The following MAP4K3 variants were observed in gnomAD, a reference collection of about 807,000 sequenced individuals.
MAP4K3 encodes mitogen-activated protein kinase kinase kinase kinase 3.
A neutral mutation model predicts 143.5 loss-of-function variants in MAP4K3; 94 were observed. The observed-to-expected ratio is 0.65, with a 90% CI of 0.55 to 0.78. MAP4K3 has a LOEUF of 0.78. Among genes scored for constraint, MAP4K3 ranks in the 30% least tolerant of loss-of-function variants. The pLI, the probability that MAP4K3 is intolerant of heterozygous loss-of-function variation, is 0.00. For synonymous variants in MAP4K3, 416 were observed against 347.2 expected (o/e 1.20, Z -2.20); for missense variants, 1,077 against 1,068.1 (o/e 1.01, Z -0.12).
chr2:39,401,377 G>A (rs1003270938), intron 1 of MAP4K3, among the ~76,000 whole-genome samples: 3 of 152,070 alleles, frequency 2.0e-5, no homozygotes, highest in Non-Finnish European at 2.9e-5. Context: ...TGCTCTCATC[G>A]GCCAGACTGG....
chr2:39,406,214 AC>A (rs1472231370), intron 1 of MAP4K3, among the ~76,000 whole-genome samples: 1 of 152,178 alleles, frequency 6.6e-6, no homozygotes, highest in Non-Finnish European at 1.5e-5. Context: ...AATTAAAAAA[AC>A]AAGCACATCT....
At chr2:39,327,412 G>A (rs1356348352) in intron 8 of MAP4K3, among the ~76,000 whole-genome samples, 4 of 152,068 alleles carry the variant, frequency 2.6e-5, no homozygotes, top group Non-Finnish European at 4.4e-5. Flanking sequence ...CTTTGCTACA[G>A]TCTTATTCTA....
intron 31 of MAP4K3, among the ~76,000 whole-genome samples, chr2:39,255,628 G>C (rs550285930): frequency 6.6e-6 from 1 of 152,082 alleles, no homozygotes; most frequent in Non-Finnish European, 1.5e-5. Flanking sequence ...GGTAGAAAAC[G>C]ATTTGTCAAC....
At position 39,293,280 on chromosome 2, in the gene MAP4K3, AAAC is replaced by A; in HGVS notation, c.1179-15_1179-13del. The A allele has an allele frequency of 6.9e-7, 1 of 1,452,204 alleles. No individual in the cohort carries two copies. Among genetic ancestry groups the A allele is most frequent in the South Asian group, 1.3e-5 (1 of 78,364 alleles). The allele number at this position is 1,452,204 out of a possible 1,614,324, so 90.0% of individuals were successfully genotyped here. On this transcript the variant is annotated splice_polypyrimidine_tract_variant and intron_variant, in intron 16 of 33. Coordinates refer to ENST00000263881, the MANE Select transcript of MAP4K3 (RefSeq NM_003618.4). ...ACTTGAGAAGACTCCTTAAAAGAAA[AAAC>A]AAAAACAAAAAATAATGTGAATAAA...
chr2:39,420,781 C>T (rs770642206), intron 1 of MAP4K3, among the ~76,000 whole-genome samples: 6 of 152,134 alleles, frequency 3.9e-5, no homozygotes, highest in Admixed American at 2.0e-4. Context: ...AAAACTCAAG[C>T]AAAAGATGTC....
At chr2:39,359,962 G>C (rs547018694) in intron 2 of MAP4K3, among the ~76,000 whole-genome samples, 13 of 152,356 alleles carry the variant, frequency 8.5e-5, no homozygotes, top group African/African-American at 3.1e-4. Context: ...AAATGCCCTG[G>C]AGACATGTTC....
chr2:39,307,607 T>C (rs947974625), intron 15 of MAP4K3, among the ~76,000 whole-genome samples: 14 of 151,974 alleles, frequency 9.2e-5, no homozygotes, highest in African/African-American at 3.4e-4. Context: ...GGGTGGTTTC[T>C]AGTTCATTAA....
chr2:39,329,019 A>G (rs1683597667), intron 8 of MAP4K3, among the ~76,000 whole-genome samples: 1 of 152,232 alleles, frequency 6.6e-6, no homozygotes, highest in Non-Finnish European at 1.5e-5. Flanking sequence ...GGTAGGAAAG[A>G]TATAATACCA....
chr2:39,338,977 A>T (rs1665061945), intron 4 of MAP4K3, among the ~76,000 whole-genome samples: 1 of 152,240 alleles, frequency 6.6e-6, no homozygotes, highest in Middle Eastern at 3.2e-3. Flanking sequence ...TTGTTATAGC[A>T]GCACAAACAG....
chr2:39,285,345 T>C (rs931066825), intron 21 of MAP4K3, among the ~76,000 whole-genome samples: 1 of 152,154 alleles, frequency 6.6e-6, no homozygotes, highest in African/African-American at 2.4e-5. Context: ...TAAAAATGCA[T>C]ACATAAAAAA....
chr2:39,255,882 T>C (rs1012467691), intron 31 of MAP4K3, among the ~76,000 whole-genome samples: 18 of 152,286 alleles, frequency 1.2e-4, no homozygotes, highest in African/African-American at 4.3e-4. Context: ...CATGTTGGGA[T>C]TCTTACTGCA....
At chr2:39,328,828 G>C (rs1683590215) in intron 8 of MAP4K3, among the ~76,000 whole-genome samples, 1 of 152,140 alleles carries the variant, frequency 6.6e-6, no homozygotes, top group African/African-American at 2.4e-5. Context: ...AAAAGGCCTT[G>C]ATTCTATATC....
At chr2:39,297,246 T>C (rs1266194012) in intron 16 of MAP4K3, among the ~76,000 whole-genome samples, 2 of 151,854 alleles carry the variant, frequency 1.3e-5, no homozygotes, top group African/African-American at 4.8e-5. Context: ...GCCTCCCGAG[T>C]AGCTGGGACC....
At chr2:39,312,987 G>T (rs946303483) in intron 13 of MAP4K3, among the ~76,000 whole-genome samples, 3 of 152,154 alleles carry the variant, frequency 2.0e-5, no homozygotes, top group Admixed American at 6.5e-5. Flanking sequence ...ACTATAGCAG[G>T]TATTCAGTAT....
intron 2 of MAP4K3, among the ~76,000 whole-genome samples, chr2:39,370,822 A>G (rs1666060895): frequency 6.6e-6 from 1 of 152,216 alleles, no homozygotes; most frequent in Admixed American, 6.5e-5. Flanking sequence ...TATAATAACT[A>G]GTGCTGCAAA....
intron 26 of MAP4K3, among the ~76,000 whole-genome samples, chr2:39,267,898 T>C (rs112903533): frequency 3.2e-4 from 48 of 152,244 alleles, no homozygotes; most frequent in African/African-American, 1.2e-3. Context: ...CCTTAGCACC[T>C]CAAACTACAG....
At chr2:39,328,569 T>C (rs1000930999) in intron 8 of MAP4K3, among the ~76,000 whole-genome samples, 5 of 151,934 alleles carry the variant, frequency 3.3e-5, no homozygotes, top group South Asian at 2.1e-4. Flanking sequence ...CGGATGGAGG[T>C]AGAGCATTTA....
At chr2:39,263,495 G>A (rs1680650572) in intron 28 of MAP4K3, among the ~76,000 whole-genome samples, 2 of 150,120 alleles carry the variant, frequency 1.3e-5, no homozygotes, top group African/African-American at 4.9e-5. Flanking sequence ...TAGCCAGGAT[G>A]GTCTCGATCT....
intron 1 of MAP4K3, among the ~76,000 whole-genome samples, chr2:39,385,651 C>T (rs1380422869): frequency 1.2e-4 from 16 of 130,758 alleles, no homozygotes; most frequent in South Asian, 2.4e-4. Flanking sequence ...TTTTTTGAGA[C>T]GAAGTTTCAC....
Sources: gnomAD v4.1 joint callset for allele counts (sites outside exome capture counted in the v4.1 genomes callset) on GRCh38, gnomAD v4.1.1 for gene constraint, MANE v1.5 for transcripts, NCBI Gene and HGNC (gene_info 2026-07-23, HGNC 2026-07-21) for gene names.